The following CYP4F3 variants were observed in gnomAD, a reference collection of about 807,000 sequenced individuals.
CYP4F3 encodes the protein cytochrome P450 4F3.
CYP4F3 carries 50 observed loss-of-function variants against 54.8 expected under a neutral mutation model. That is an observed-to-expected ratio of 0.91 (90% CI 0.73 to 1.16). The LOEUF (loss-of-function observed/expected upper bound fraction) is 1.16. CYP4F3 is among the 50% of genes most tolerant of loss of function. The pLI is 0.00. For synonymous variants in CYP4F3, 244 were observed against 262.6 expected (o/e 0.93, Z 0.69); for missense variants, 715 against 676.2 (o/e 1.06, Z -0.64).
chr19:15,648,347 T>C (rs138689145), intron 5 of CYP4F3, among the ~76,000 whole-genome samples: 166 of 152,036 alleles, frequency 1.1e-3, no homozygotes, highest in African/African-American at 3.6e-3. Context: ...GCTGACATCA[T>C]ATATTGCATT....
At chr19:15,643,567 G>C (rs1210446168) in intron 2 of CYP4F3, among the ~76,000 whole-genome samples, 1 of 152,148 alleles carries the variant, frequency 6.6e-6, no homozygotes, top group Non-Finnish European at 1.5e-5. Context: ...TCTGCAGGCT[G>C]GATAAACAGA....
At chr19:15,658,676 C>T in intron 11 of CYP4F3, 51 bp from the exon 12 acceptor site, 1 of 1,611,156 alleles carries the variant, frequency 6.2e-7, no homozygotes, top group Non-Finnish European at 8.5e-7. Flanking sequence ...CTCTCCAAGG[C>T]TGGCGGACTG....
chr19:15,645,720 T>C lies in CYP4F3; in HGVS notation c.200T>C (p.Ile67Thr), dbSNP rs147269202. The C allele has an allele frequency of 6.2e-7, 1 of 1,605,140 alleles. No individual in the cohort carries two copies. The highest frequency in any genetic ancestry group is 1.1e-5 in the South Asian group (1 of 90,310). The change falls in exon 3 of 13, where the codon ATT (isoleucine) becomes ACT (threonine). Residue 67 changes from isoleucine to threonine, a missense_variant and splice_region_variant. Physicochemically the swap from Ile to Thr is moderately conservative, Grantham distance 89. Coordinates refer to ENST00000221307, the MANE Select transcript of CYP4F3 (RefSeq NM_000896.3). Reference sequence around the variant, plus strand: ...TGGGTCCTGTGTCTTTCTCTCCAGATTCACAGCTCGGAGGAAGGTCTCCTA... The same window carrying C: ...TGGGTCCTGTGTCTTTCTCTCCAGACTCACAGCTCGGAGGAAGGTCTCCTA... ...RNWFLGHLGL[I>T]HSSEEGLLYT...
At chr19:15,659,000 A>G (rs1381127089) in intron 12 of CYP4F3, among the ~76,000 whole-genome samples, 191 bp downstream of exon 12, 3 of 150,024 alleles carry the variant, frequency 2.0e-5, no homozygotes, top group African/African-American at 2.5e-5. Context: ...TAGTGAGCTC[A>G]GAGCTCCCTC....
At chr19:15,642,600 A>G (rs1437103448) in intron 2 of CYP4F3, among the ~76,000 whole-genome samples, 1 of 152,232 alleles carries the variant, frequency 6.6e-6, no homozygotes, top group Non-Finnish European at 1.5e-5. Context: ...AATGACTCCC[A>G]GAACAAGGAA....
chr19:15,643,934 G>A (rs774267038), intron 2 of CYP4F3: 6 of 1,602,734 alleles, frequency 3.7e-6, no homozygotes, highest in Non-Finnish European at 5.1e-6. Context: ...GGGCATGAGG[G>A]TCCTGACTCA....
At chr19:15,657,717 TA>T (rs200157492) in intron 9 of CYP4F3, among the ~76,000 whole-genome samples, 1,759 of 152,290 alleles carry the variant, frequency 0.012, 33 homozygotes, top group African/African-American at 0.039. Flanking sequence ...GATGGACATT[TA>T]AAAAAAGTAA....
Position 15,652,832 on chromosome 19 carries a change from C to A in CYP4F3, c.995C>A (p.Thr332Asn), listed in dbSNP as rs771316362. ...CCTTGCTGCCCCCCAGGCCATGACACCACAGCCAGTGGTCTCTCCTGGGTC... is the reference window on the plus strand; with the variant it reads ...CCTTGCTGCCCCCCAGGCCATGACAACACAGCCAGTGGTCTCTCCTGGGTC... ...ADTFMFEGHDTTASGLSWVLY... is the reference protein window; with the variant it reads ...ADTFMFEGHDNTASGLSWVLY... Residue 332 changes from threonine (T) to asparagine (N), a missense_variant, in exon 9 of 13, where the codon ACC (threonine) becomes AAC (asparagine). By Grantham distance (65) the Thr-to-Asn change is moderately conservative. Transcript: ENST00000221307. The A allele has an allele frequency of 1.2e-6, 2 of 1,612,218 alleles. No homozygotes were observed. Among genetic ancestry groups the A allele is most frequent in the Admixed American group, 1.7e-5 (1 of 59,732 alleles).
intron 7 of CYP4F3, among the ~76,000 whole-genome samples, chr19:15,650,990 C>G (rs1311970800): frequency 6.6e-6 from 1 of 150,778 alleles, no homozygotes; most frequent in Non-Finnish European, 1.5e-5. Flanking sequence ...ATTCTCCTAC[C>G]TCAGCCTCCC....
intron 2 of CYP4F3, among the ~76,000 whole-genome samples, chr19:15,642,734 A>G (rs1265460791): frequency 6.6e-6 from 1 of 152,236 alleles, no homozygotes; most frequent in African/African-American, 2.4e-5. Context: ...GAATGTAGAC[A>G]GATAGATAGG....
chr19:15,641,430 C>G lies in CYP4F3; in HGVS notation c.15C>G (p.Ser5Arg), dbSNP rs755007165. Residue 5 changes from serine (S) to arginine (R), a missense_variant, in exon 2 of 13, where the codon AGC becomes AGG. Coordinates refer to ENST00000221307, the MANE Select transcript of CYP4F3 (RefSeq NM_000896.3). ...TGCCCTGCAGGATGCCACAGCTGAG[C>G]CTGTCCTCGCTGGGCCTTTGGCCAA... is the stretch of plus-strand genomic sequence containing the variant. MPQL[S>R]LSSLGLWPMA... The G allele has an allele frequency of 3.7e-6, 6 of 1,614,194 alleles. No individual in the cohort carries two copies. The highest frequency in any genetic ancestry group is 1.7e-6 in the Non-Finnish European group (2 of 1,180,046).
intron 7 of CYP4F3, among the ~76,000 whole-genome samples, chr19:15,650,670 TTC>T (rs1326493921): frequency 2.5e-5 from 1 of 40,162 alleles, no homozygotes; most frequent in Non-Finnish European, 4.3e-5. Context: ...TTTTCTTTCT[TTC>T]TTTCTTTCTT....
chr19:15,659,724 T>C lies in CYP4F3; in HGVS notation c.*339T>C. 1 of 266,138 alleles carries C rather than the reference T, an allele frequency of 3.8e-6. No individual in the cohort carries two copies. The highest frequency in any genetic ancestry group is 7.1e-6 in the Non-Finnish European group (1 of 140,192). The allele number at this position is 266,138 out of a possible 1,614,324, so 16.5% of individuals were successfully genotyped here. A position where few individuals can be genotyped will look rare whatever the true frequency, so the allele number is the denominator to read the frequency against. ...ACACTGTGGATGAACCTTGAATGCA[T>C]GATACTGAATGAAAGACATCAGATG... On this transcript the variant is annotated 3_prime_UTR_variant, in exon 13 of 13. Coordinates refer to ENST00000221307, the MANE Select transcript of CYP4F3 (RefSeq NM_000896.3).
At chr19:15,642,400 C>T (rs1972490108) in intron 2 of CYP4F3, among the ~76,000 whole-genome samples, 2 of 152,164 alleles carry the variant, frequency 1.3e-5, no homozygotes, top group Non-Finnish European at 2.9e-5. Flanking sequence ...CTAGTGACTG[C>T]TGAGAAGGGA....
At chr19:15,646,907 C>T (rs936569688) in intron 3 of CYP4F3, 145 bp from the exon 4 acceptor site, 9 of 1,196,688 alleles carry the variant, frequency 7.5e-6, no homozygotes, top group South Asian at 7.5e-5. Context: ...CCCCATCCTG[C>T]CTTCTTCCTC....
intron 7 of CYP4F3, among the ~76,000 whole-genome samples, chr19:15,650,672 C>CTTTCTTTCTTTCTTTCTTT (rs1972776360): frequency 9.5e-5 from 4 of 42,062 alleles, no homozygotes; most frequent in East Asian, 1.4e-3. Flanking sequence ...TTCTTTCTTT[C>CTTTCTTTCTTTCTTTCTTT]TTTCTTTCTT....
At chr19:15,654,866 G>A (rs1373396675) in intron 9 of CYP4F3, among the ~76,000 whole-genome samples, 1 of 152,128 alleles carries the variant, frequency 6.6e-6, no homozygotes, top group Non-Finnish European at 1.5e-5. Flanking sequence ...CTTTGGGATA[G>A]AAATTTCTTC....
chr19:15,646,702 C>T (rs998843766), intron 3 of CYP4F3, among the ~76,000 whole-genome samples: 1 of 152,166 alleles, frequency 6.6e-6, no homozygotes, highest in Admixed American at 6.5e-5. Flanking sequence ...AGTGCTGGGA[C>T]AGACAGGGTG....
At chr19:15,651,885 C>T (rs116895107) in intron 7 of CYP4F3, among the ~76,000 whole-genome samples, 3 of 152,290 alleles carry the variant, frequency 2.0e-5, no homozygotes, top group Non-Finnish European at 4.4e-5. Context: ...TGGATCAGAG[C>T]AGCTCATGTC....
Sources: gnomAD v4.1 joint callset for allele counts (sites outside exome capture counted in the v4.1 genomes callset) on GRCh38, gnomAD v4.1.1 for gene constraint, MANE v1.5 for transcripts, NCBI Gene and HGNC (gene_info 2026-07-23, HGNC 2026-07-21) for gene names.